The following GATAD2B variants were observed in gnomAD, a reference collection of about 807,000 sequenced individuals.
GATAD2B encodes the protein transcriptional repressor p66-beta.
GATAD2B carries 8 observed loss-of-function variants against 64.3 expected under a neutral mutation model. The observed-to-expected ratio is 0.12, with a 90% confidence interval of 0.07 to 0.22. The LOEUF (loss-of-function observed/expected upper bound fraction) is 0.22. Ranked by LOEUF, GATAD2B falls within the 10% of genes least tolerant of loss-of-function variation. GATAD2B has a pLI of 1.00. For missense variants in GATAD2B, 453 were observed against 752.0 expected (o/e 0.60, Z 4.65); for synonymous variants, 281 against 271.3 (o/e 1.04, Z -0.35).
chr1:153,859,689 A>AAAT (rs1557808608), intron 1 of GATAD2B, among the ~76,000 whole-genome samples: 8 of 150,538 alleles, frequency 5.3e-5, no homozygotes, highest in Non-Finnish European at 8.9e-5. Flanking sequence ...TAATAAAAAA[A>AAAT]AAAAAAGACC....
At chr1:153,852,920 T>G in intron 1 of GATAD2B, 5 of 810,822 alleles carry the variant, frequency 6.2e-6, no homozygotes, top group Non-Finnish European at 1.1e-5. Flanking sequence ...ATGAGCTGCA[T>G]TATCTGACTT....
chr1:153,863,831 G>A (rs756888441), intron 1 of GATAD2B, among the ~76,000 whole-genome samples: 1 of 151,984 alleles, frequency 6.6e-6, no homozygotes, highest in African/African-American at 2.4e-5. Flanking sequence ...TCACCATGTT[G>A]GCCAGGATGG....
At chr1:153,841,656 A>ATTCC (rs1675499780) in intron 1 of GATAD2B, among the ~76,000 whole-genome samples, 1 of 152,186 alleles carries the variant, frequency 6.6e-6, no homozygotes, top group South Asian at 2.1e-4. Flanking sequence ...GCTGAGTAGT[A>ATTCC]TTCCATGGTA....
intron 1 of GATAD2B, chr1:153,853,092 T>A: frequency 1.3e-6 from 2 of 1,502,146 alleles, no homozygotes; most frequent in Non-Finnish European, 1.9e-6. Flanking sequence ...ACCTTTGGCA[T>A]TGGCAACAAC....
At chr1:153,864,458 A>C (rs1377815902) in intron 1 of GATAD2B, among the ~76,000 whole-genome samples, 1 of 152,170 alleles carries the variant, frequency 6.6e-6, no homozygotes, top group African/African-American at 2.4e-5. Context: ...CTCTACAAAA[A>C]ATTTAAAAAT....
intron 1 of GATAD2B, among the ~76,000 whole-genome samples, chr1:153,911,910 T>C (rs939362353): frequency 6.6e-6 from 1 of 152,226 alleles, no homozygotes; most frequent in South Asian, 2.1e-4. Context: ...CAACTGAATC[T>C]AGAACACAAC....
chr1:153,837,635 C>T (rs1031405586), intron 1 of GATAD2B, among the ~76,000 whole-genome samples: 3 of 152,028 alleles, frequency 2.0e-5, no homozygotes, highest in Non-Finnish European at 4.4e-5. Flanking sequence ...TAACTGATTA[C>T]GGAAGGGTAC....
intron 1 of GATAD2B, chr1:153,889,592 T>A (rs985659306): frequency 4.7e-6 from 1 of 213,536 alleles, no homozygotes; most frequent in Non-Finnish European, 8.1e-6. Context: ...ATTACACTAA[T>A]GAGAAAGATG....
chr1:153,849,875 G>A (rs1381278374), intron 1 of GATAD2B, among the ~76,000 whole-genome samples: 3 of 152,058 alleles, frequency 2.0e-5, no homozygotes, highest in Non-Finnish European at 2.9e-5. Flanking sequence ...CAGGTGATCC[G>A]CCTGGCTTGG....
intron 1 of GATAD2B, among the ~76,000 whole-genome samples, chr1:153,916,218 T>G (rs1167212964): frequency 1.3e-5 from 2 of 150,186 alleles, no homozygotes; most frequent in African/African-American, 2.4e-5. Context: ...GAGGTGGAGG[T>G]TGCAGTAAGC....
At chr1:153,829,465 TG>T (rs1400499477) in intron 1 of GATAD2B, among the ~76,000 whole-genome samples, 6 of 152,060 alleles carry the variant, frequency 3.9e-5, no homozygotes, top group African/African-American at 1.4e-4. Flanking sequence ...GGGCTGGGCG[TG>T]GTGGCTCACA....
At chr1:153,819,029 A>C in intron 3 of GATAD2B, 107 bp from the exon 4 acceptor site, 5 of 1,135,662 alleles carry the variant, frequency 4.4e-6, no homozygotes, top group East Asian at 2.4e-5. Flanking sequence ...CTTCCACAAG[A>C]AGCAGAAGTG....
chr1:153,876,777 C>T (rs1157838815), intron 1 of GATAD2B, among the ~76,000 whole-genome samples: 2 of 152,120 alleles, frequency 1.3e-5, no homozygotes, highest in Non-Finnish European at 2.9e-5. Context: ...CCAAGGCGGG[C>T]AGATCACCTG....
intron 1 of GATAD2B, among the ~76,000 whole-genome samples, chr1:153,896,170 A>G (rs1293156549): frequency 1.3e-5 from 2 of 152,026 alleles, no homozygotes; most frequent in Admixed American, 6.6e-5. Context: ...TTAAAAATAT[A>G]TTTTAAAAAA....
intron 1 of GATAD2B, among the ~76,000 whole-genome samples, chr1:153,855,257 CAG>C (rs1676044708): frequency 6.6e-6 from 1 of 150,504 alleles, no homozygotes; most frequent in South Asian, 2.1e-4. Context: ...GTTTTTGAGA[CAG>C]AGTCTTGCTC....
chr1:153,868,615 C>T (rs983765854), intron 1 of GATAD2B, among the ~76,000 whole-genome samples: 1 of 152,028 alleles, frequency 6.6e-6, no homozygotes, highest in Non-Finnish European at 1.5e-5. Context: ...CACCCTGCTC[C>T]CCTAAATGTT....
intron 2 of GATAD2B, among the ~76,000 whole-genome samples, chr1:153,823,239 T>C (rs921286772): frequency 6.6e-6 from 1 of 152,214 alleles, no homozygotes; most frequent in African/African-American, 2.4e-5. Flanking sequence ...TAGAGAGATA[T>C]TATTAAAAGA....
At position 153,818,048 on chromosome 1, in the gene GATAD2B, T is replaced by A. The variant is rs967439601; in HGVS notation, c.721A>T (p.Thr241Ser). ...CACTATGGGTCACATACCTGTAATG[T>A]TCTCAAATTTTGAGGTTCAACCCCT... is the stretch of plus-strand genomic sequence containing the variant. ...AQGVEPQNLR[T>S]LQGHSVIRSA... The change falls in exon 5 of 11, where the codon ACA becomes TCA. Residue 241 changes from threonine to serine, a missense_variant. Coordinates refer to ENST00000368655, the MANE Select transcript of GATAD2B (RefSeq NM_020699.4). 6.2e-7 allele frequency: 1 copy of A among 1,608,794 alleles called. No individual in the cohort carries two copies. Among genetic ancestry groups the A allele is most frequent in the African/African-American group, 1.3e-5 (1 of 74,544 alleles).
chr1:153,920,808 C>T (rs1180986641), intron 1 of GATAD2B, among the ~76,000 whole-genome samples: 1 of 152,160 alleles, frequency 6.6e-6, no homozygotes, highest in South Asian at 2.1e-4. Context: ...ACTTTTCTAC[C>T]TTGTTCCATG....
Sources: allele counts gnomAD v4.1 joint callset (sites outside exome capture counted in the v4.1 genomes callset), GRCh38; gene constraint gnomAD v4.1.1; transcripts MANE v1.5; gene names NCBI Gene and HGNC (gene_info 2026-07-23, HGNC 2026-07-21).